The following GALNTL6 variants were observed in gnomAD, a reference collection of about 807,000 sequenced individuals.
GALNTL6 encodes polypeptide N-acetylgalactosaminyltransferase-like 6.
GALNTL6 carries 46 observed loss-of-function variants against 73.7 expected under a neutral mutation model. The observed-to-expected ratio is 0.62, with a 90% CI of 0.49 to 0.80. The LOEUF (loss-of-function observed/expected upper bound fraction) is 0.80, where lower values mean the gene tolerates loss of function less well. Ranked by LOEUF, GALNTL6 falls within the 30% of genes least tolerant of loss-of-function variation. GALNTL6 has a pLI of 0.00. For missense variants in GALNTL6, 604 were observed against 755.0 expected (o/e 0.80, Z 2.34); for synonymous variants, 259 against 263.7 (o/e 0.98, Z 0.17).
intron 2 of GALNTL6, among the ~76,000 whole-genome samples, chr4:171,979,877 G>A (rs1323289774): frequency 6.8e-6 from 1 of 146,052 alleles, no homozygotes; most frequent in East Asian, 1.9e-4. Context: ...AGACAAAATT[G>A]TTAGTTGGAA....
At chr4:171,853,751 A>G (rs574126550) in intron 2 of GALNTL6, among the ~76,000 whole-genome samples, 2 of 151,696 alleles carry the variant, frequency 1.3e-5, no homozygotes, top group African/African-American at 4.8e-5. Flanking sequence ...AGCTGGGACT[A>G]CAGGTGCCCA....
intron 8 of GALNTL6, among the ~76,000 whole-genome samples, chr4:172,898,486 TTC>T (rs1746451883): frequency 6.6e-6 from 1 of 152,004 alleles, no homozygotes; most frequent in Non-Finnish European, 1.5e-5. Flanking sequence ...TAAAACTTTT[TTC>T]TCTTTTTCCT....
intron 5 of GALNTL6, among the ~76,000 whole-genome samples, chr4:172,626,768 T>C (rs1332481231): frequency 6.6e-6 from 1 of 152,132 alleles, no homozygotes; most frequent in East Asian, 1.9e-4. Context: ...GTAAATGGCA[T>C]TGCATTCTTG....
At chr4:172,806,622 C>T (rs1416933284) in intron 5 of GALNTL6, among the ~76,000 whole-genome samples, 5 of 152,188 alleles carry the variant, frequency 3.3e-5, no homozygotes, top group Non-Finnish European at 7.3e-5. Flanking sequence ...CCAAGAGAGG[C>T]CCCTTTAGTC....
At chr4:172,668,920 C>T (rs72706805) in intron 5 of GALNTL6, 16 of 152,046 alleles carry the variant, frequency 1.1e-4, no homozygotes, top group Non-Finnish European at 2.2e-4. Context: ...GGTTGCAGTT[C>T]AGCCAAAAGA....
intron 10 of GALNTL6, among the ~76,000 whole-genome samples, chr4:172,982,393 G>T (rs1751105940): frequency 6.6e-6 from 1 of 152,200 alleles, no homozygotes; most frequent in South Asian, 2.1e-4. Context: ...TGGCTTTATT[G>T]TCCCTGGCTA....
intron 2 of GALNTL6, among the ~76,000 whole-genome samples, chr4:171,883,713 T>C (rs1250183874): frequency 6.6e-6 from 1 of 151,792 alleles, no homozygotes; most frequent in Non-Finnish European, 1.5e-5. Context: ...AGTGGCGCTA[T>C]CTCAGCTCAC....
At chr4:172,018,768 A>G (rs932316217) in intron 2 of GALNTL6, among the ~76,000 whole-genome samples, 2 of 152,050 alleles carry the variant, frequency 1.3e-5, no homozygotes, top group Non-Finnish European at 2.9e-5. Flanking sequence ...TGCCCAATCA[A>G]TATTACTACA....
chr4:172,186,910 T>C (rs1158056325), intron 2 of GALNTL6, among the ~76,000 whole-genome samples: 2 of 152,146 alleles, frequency 1.3e-5, no homozygotes, highest in African/African-American at 4.8e-5. Context: ...TACTTTAAAA[T>C]GGTTACGTTA....
chr4:171,855,351 T>G (rs1386763156), intron 2 of GALNTL6, among the ~76,000 whole-genome samples: 1 of 152,206 alleles, frequency 6.6e-6, no homozygotes, highest in African/African-American at 2.4e-5. Context: ...TTCCAAAATG[T>G]CAGATAGTTG....
At chr4:173,039,726 T>TA (rs1324288771) in intron 12 of GALNTL6, among the ~76,000 whole-genome samples, 3 of 152,222 alleles carry the variant, frequency 2.0e-5, no homozygotes, top group Admixed American at 2.0e-4. Flanking sequence ...AACCTGCTTG[T>TA]AGGCCCTACA....
intron 2 of GALNTL6, among the ~76,000 whole-genome samples, chr4:172,133,309 G>A (rs139322867): frequency 1.5e-4 from 23 of 152,244 alleles, no homozygotes; most frequent in Admixed American, 3.9e-4. Flanking sequence ...CTGGTTCTGC[G>A]TACATTAGTA....
At chr4:171,923,405 T>G (rs1428268972) in intron 2 of GALNTL6, among the ~76,000 whole-genome samples, 1 of 149,448 alleles carries the variant, frequency 6.7e-6, no homozygotes, top group Non-Finnish European at 1.5e-5. Context: ...TTTGTTTTTT[T>G]TTTTTTTTTT....
intron 9 of GALNTL6, among the ~76,000 whole-genome samples, chr4:172,936,180 CA>C (rs1201504771): frequency 1.3e-5 from 2 of 152,138 alleles, no homozygotes; most frequent in Non-Finnish European, 2.9e-5. Context: ...CGACAAAAAC[CA>C]CACGATTATC....
At chr4:171,931,175 T>G (rs992721430) in intron 2 of GALNTL6, among the ~76,000 whole-genome samples, 2 of 152,194 alleles carry the variant, frequency 1.3e-5, no homozygotes, top group African/African-American at 4.8e-5. Context: ...CTTACACTTT[T>G]ATTTCATTAG....
At chr4:171,973,755 C>A (rs1739637881) in intron 2 of GALNTL6, among the ~76,000 whole-genome samples, 1 of 152,068 alleles carries the variant, frequency 6.6e-6, no homozygotes, top group Admixed American at 6.6e-5. Flanking sequence ...TTAATTGATA[C>A]TATAGATGTT....
intron 5 of GALNTL6, among the ~76,000 whole-genome samples, chr4:172,760,169 A>G (rs1350657158): frequency 6.6e-6 from 1 of 152,078 alleles, no homozygotes; most frequent in Non-Finnish European, 1.5e-5. Context: ...TTGGATTGTG[A>G]TGAGAGAATG....
intron 2 of GALNTL6, among the ~76,000 whole-genome samples, chr4:172,177,785 A>ACGTGTATATATATACACACACATATATG (rs1491090289): frequency 7.8e-5 from 5 of 63,998 alleles, no homozygotes; most frequent in Admixed American, 1.6e-4. Flanking sequence ...ATATATACAC[A>ACGTGTATATATATACACACACATATATG]TGTGTATATA....
intron 2 of GALNTL6, among the ~76,000 whole-genome samples, chr4:171,940,121 G>GA (rs1738483675): frequency 6.6e-6 from 1 of 151,740 alleles, no homozygotes; most frequent in Non-Finnish European, 1.5e-5. Flanking sequence ...TGAGAATATT[G>GA]AAAAAATGAT....
Sources: gnomAD v4.1 joint callset for allele counts (sites outside exome capture counted in the v4.1 genomes callset) on GRCh38, gnomAD v4.1.1 for gene constraint, MANE v1.5 for transcripts, NCBI Gene and HGNC (gene_info 2026-07-23, HGNC 2026-07-21) for gene names.